TEK: variants seen among roughly 807,000 people sequenced by gnomAD.
TEK encodes TEK receptor tyrosine kinase.
TEK carries 43 observed loss-of-function variants against 131.8 expected under a neutral mutation model. That is an observed-to-expected ratio of 0.33 (90% CI 0.26 to 0.42). The LOEUF is 0.42. TEK is among the 10% of genes least tolerant of loss of function. The pLI is 1.00. For missense variants in TEK, 1,162 were observed against 1,384.4 expected, an observed-to-expected ratio of 0.84 and a Z score of 2.55; for synonymous variants, 580 against 491.6, an observed-to-expected ratio of 1.18 and a Z score of -2.38.
At chr9:27,151,987 T>G (rs1283822811) in intron 1 of TEK, among the ~76,000 whole-genome samples, 1 of 152,242 alleles carries the variant, frequency 6.6e-6, no homozygotes, top group African/African-American at 2.4e-5. Context: ...AGAAATGCTT[T>G]TGACTCAGAC....
In TEK at chr9:27,183,532, C is replaced by G. The variant is rs376994054; in HGVS notation, c.1104C>G (p.Pro368=). ...HIEVNSGKFN[P]ICKASGWPLP... Reference sequence around the variant, plus strand: ...AAGTAAACAGTGGTAAATTTAATCCCATTTGCAAAGCTTCTGGCTGGCCGC... The same window carrying G: ...AAGTAAACAGTGGTAAATTTAATCCGATTTGCAAAGCTTCTGGCTGGCCGC... Residue 368 remains proline (P), a synonymous_variant, in exon 8 of 23, where the codon CCC becomes CCG. Coordinates refer to ENST00000380036, the MANE Select transcript of TEK (RefSeq NM_000459.5). The G allele has an allele frequency of 1.2e-6, 2 of 1,613,872 alleles. No individual in the cohort carries two copies. Among genetic ancestry groups the G allele is most frequent in the African/African-American group, 2.7e-5 (2 of 74,976 alleles).
intron 9 of TEK, among the ~76,000 whole-genome samples, chr9:27,188,533 C>T (rs755892164): frequency 1.3e-5 from 2 of 152,134 alleles, no homozygotes; most frequent in African/African-American, 4.8e-5. Context: ...ACAAGGAAAG[C>T]ATTACTTGAA....
chr9:27,125,070 T>C (rs575334466), intron 1 of TEK, among the ~76,000 whole-genome samples: 2 of 152,320 alleles, frequency 1.3e-5, no homozygotes, highest in East Asian at 3.9e-4. Context: ...GGGCTTGCAT[T>C]GTGTTGCCTG....
intron 1 of TEK, among the ~76,000 whole-genome samples, chr9:27,114,065 G>A (rs1207944777): frequency 6.6e-6 from 1 of 152,118 alleles, no homozygotes; most frequent in Non-Finnish European, 1.5e-5. Context: ...TTGTGTCTTT[G>A]AGCTTTGGGC....
chr9:27,225,391 T>C (rs1313287044), intron 21 of TEK, among the ~76,000 whole-genome samples: 1 of 151,980 alleles, frequency 6.6e-6, no homozygotes, highest in Non-Finnish European at 1.5e-5. Context: ...CTAAAACAGA[T>C]ATATAGACCA....
intron 2 of TEK, among the ~76,000 whole-genome samples, chr9:27,159,764 G>T (rs1372868651): frequency 6.6e-6 from 1 of 152,168 alleles, no homozygotes; most frequent in Non-Finnish European, 1.5e-5. Context: ...TCCAGTCCTG[G>T]ACAGGCAGGC....
intron 1 of TEK, among the ~76,000 whole-genome samples, chr9:27,146,172 C>T (rs1329581097): frequency 1.3e-5 from 2 of 152,152 alleles, no homozygotes; most frequent in Non-Finnish European, 1.5e-5. Flanking sequence ...TGTTGATGAA[C>T]TTTATATTGT....
In TEK at chr9:27,228,357, C is replaced by T. The variant is rs907269852; in HGVS notation, c.3300+52C>T. 3 of 1,379,698 alleles carry T rather than the reference C, an allele frequency of 2.2e-6. No homozygotes were observed. In the Admixed American group the frequency reaches 5.1e-5, roughly 23 times the overall value. The allele number at this position is 1,379,698 out of a possible 1,614,324, so 85.5% of individuals were successfully genotyped here. A position where few individuals can be genotyped will look rare whatever the true frequency, so the allele number is the denominator to read the frequency against. On this transcript the variant is annotated intron_variant, in intron 22 of 22. Coordinates refer to ENST00000380036, the MANE Select transcript of TEK (RefSeq NM_000459.5). The stretch of plus-strand genomic sequence containing the variant: ...CTTTAATTGGAATACCTGATGTGCC[C>T]AGGGTGGTTCATAAAAAACATTGAA...
At chr9:27,137,224 T>TTC (rs386414725) in intron 1 of TEK, among the ~76,000 whole-genome samples, 50 of 37,352 alleles carry the variant, frequency 1.3e-3, no homozygotes, top group African/African-American at 6.1e-3. Context: ...GGCCTAAATC[T>TTC]ATCTTTTGAT....
At chr9:27,129,468 C>T (rs1564044801) in intron 1 of TEK, among the ~76,000 whole-genome samples, 1 of 152,164 alleles carries the variant, frequency 6.6e-6, no homozygotes, top group Non-Finnish European at 1.5e-5. Context: ...GCACATACAT[C>T]CCCATGCCAC....
At chr9:27,226,573 CG>C (rs1490755801) in intron 21 of TEK, among the ~76,000 whole-genome samples, 2 of 146,604 alleles carry the variant, frequency 1.4e-5, no homozygotes, top group African/African-American at 2.5e-5. Context: ...ACACGCCTAT[CG>C]GGGGGTGGGG....
At chr9:27,121,091 G>A (rs1298808511) in intron 1 of TEK, among the ~76,000 whole-genome samples, 6 of 152,260 alleles carry the variant, frequency 3.9e-5, no homozygotes, top group Admixed American at 3.3e-4. Flanking sequence ...GGAGGCTGAG[G>A]CCAGCGAATC....
intron 15 of TEK, among the ~76,000 whole-genome samples, 164 bp downstream of exon 15, chr9:27,206,956 TAGTC>T (rs1825420742): frequency 1.3e-5 from 2 of 152,254 alleles, no homozygotes; most frequent in African/African-American, 4.8e-5. Context: ...GAGCCTGTGA[TAGTC>T]AGGATATCAA....
At position 27,176,962 on chromosome 9, in the gene TEK, A is replaced by G. The variant is rs1325598990; in HGVS notation, c.902-3278A>G. Among the ~76,000 whole-genome samples, 4 of 152,262 alleles carry G rather than the reference A, an allele frequency of 2.6e-5. No homozygotes were observed. In the South Asian group the frequency reaches 8.3e-4, roughly 32 times the overall value. On this transcript the variant is annotated intron_variant, in intron 6 of 22. Transcript: ENST00000380036. ...GTATTGGTCTTTATATGCCTGGCTT[A>G]TTTCACTTAGCATGGTGCCCTCCAG...
intron 2 of TEK, among the ~76,000 whole-genome samples, chr9:27,159,206 A>G (rs1224358525): frequency 6.6e-6 from 1 of 152,194 alleles, no homozygotes; most frequent in African/African-American, 2.4e-5. Flanking sequence ...GTATAAGGTC[A>G]TAGTGTACAA....
At chr9:27,218,737 T>C (rs778225552) in intron 19 of TEK, 40 bp from the exon 20 acceptor site, 20 of 1,612,630 alleles carry the variant, frequency 1.2e-5, no homozygotes, top group Non-Finnish European at 1.4e-5. Flanking sequence ...GCGGTGACTC[T>C]GTTTGCTGAT....
chr9:27,159,382 G>T (rs960307355), intron 2 of TEK, among the ~76,000 whole-genome samples: 9 of 152,274 alleles, frequency 5.9e-5, no homozygotes, highest in Middle Eastern at 3.4e-3. Context: ...CAGTTAAGTA[G>T]CTGAGCCTAG....
chr9:27,197,217 C>T (rs1316049333), intron 11 of TEK, 98 bp from the exon 12 acceptor site: 5 of 1,365,886 alleles, frequency 3.7e-6, no homozygotes, highest in Admixed American at 1.7e-5. Context: ...CCACCTCCAA[C>T]ACTGGGGATT....
intron 16 of TEK, among the ~76,000 whole-genome samples, chr9:27,212,018 G>T (rs1825653145): frequency 6.9e-6 from 1 of 145,228 alleles, no homozygotes; most frequent in Non-Finnish European, 1.5e-5. Flanking sequence ...AGAGAGAAAT[G>T]ATGTGGAACA....
Sources: allele counts gnomAD v4.1 joint callset (sites outside exome capture counted in the v4.1 genomes callset), GRCh38; gene constraint gnomAD v4.1.1; transcripts MANE v1.5; gene names NCBI Gene and HGNC (gene_info 2026-07-23, HGNC 2026-07-21).